FIP1L1: variants seen among roughly 807,000 people sequenced by gnomAD.
The protein encoded by FIP1L1 is pre-mRNA 3'-end-processing factor FIP1.
FIP1L1 carries 21 observed loss-of-function variants against 84.6 expected under a neutral mutation model. The ratio of observed to expected loss-of-function variants is 0.25; its 90% CI spans 0.18 to 0.36. FIP1L1 has a LOEUF of 0.36. Ranked by LOEUF, FIP1L1 falls within the 10% of genes least tolerant of loss-of-function variation. The pLI is 1.00. For missense variants in FIP1L1, 526 were observed against 751.1 expected (o/e 0.70, Z 3.50); for synonymous variants, 263 against 242.3 (o/e 1.09, Z -0.80).
intron 5 of FIP1L1, among the ~76,000 whole-genome samples, chr4:53,388,859 A>G (rs1431317282): frequency 1.3e-5 from 2 of 152,268 alleles, no homozygotes; most frequent in African/African-American, 4.8e-5. Context: ...GCAATGAATT[A>G]TTCAAATAAT....
chr4:53,417,730 T>G (rs1760216865), intron 11 of FIP1L1, among the ~76,000 whole-genome samples: 1 of 141,302 alleles, frequency 7.1e-6, no homozygotes, highest in Non-Finnish European at 1.5e-5. Flanking sequence ...CTACTTTTTC[T>G]CTTTTTAAAC....
chr4:53,411,354 G>A (rs1019873476), intron 10 of FIP1L1, among the ~76,000 whole-genome samples: 16 of 152,118 alleles, frequency 1.1e-4, no homozygotes, highest in African/African-American at 3.6e-4. Flanking sequence ...AGTTACCTAA[G>A]TTGTCAATAC....
intron 5 of FIP1L1, among the ~76,000 whole-genome samples, chr4:53,385,810 T>G (rs1740713396): frequency 6.6e-6 from 1 of 152,184 alleles, no homozygotes; most frequent in African/African-American, 2.4e-5. Context: ...GATTTATTTT[T>G]TATTCATTTT....
rs550992103 is a variant in FIP1L1, at chr4:53,377,711, G to T, written c.-128G>T. 2,959 of 803,194 alleles carry T rather than the reference G, an allele frequency of 3.7e-3. 13 individuals carry two copies. Among genetic ancestry groups the T allele is most frequent in the Non-Finnish European group, 4.2e-3 (2,259 of 537,576 alleles). 49.8% of individuals were successfully genotyped at this position (803,194 alleles called of 1,614,324 possible). A position where few individuals can be genotyped will look rare whatever the true frequency, so the allele number is the denominator to read the frequency against. ...CGCTGCCGTCGCCTTCCTGGGATTG[G>T]AGTCTCGAGCTTTCTTCGTTCGTTC... is the stretch of plus-strand genomic sequence containing the variant. On this transcript the variant is annotated 5_prime_UTR_variant, in exon 1 of 18. It introduces an in-frame stop codon into an upstream open reading frame of the 5' UTR. Coordinates refer to ENST00000337488, the MANE Select transcript of FIP1L1 (RefSeq NM_030917.4).
intron 10 of FIP1L1, among the ~76,000 whole-genome samples, chr4:53,403,258 T>G (rs1751236021): frequency 6.6e-6 from 1 of 152,190 alleles, no homozygotes. Flanking sequence ...AGAGAAACTG[T>G]ACAGTACTAC....
chr4:53,407,496 G>T (rs1472518708), intron 10 of FIP1L1, among the ~76,000 whole-genome samples: 2 of 151,998 alleles, frequency 1.3e-5, no homozygotes, highest in East Asian at 3.9e-4. Flanking sequence ...GTTGATTTGG[G>T]GTGGAGAGTT....
intron 9 of FIP1L1, 114 bp downstream of exon 9, chr4:53,391,612 C>T (rs1417038829): frequency 2.9e-6 from 2 of 696,008 alleles, no homozygotes; most frequent in Non-Finnish European, 2.5e-6. Flanking sequence ...TTTTCCAAAC[C>T]TTCAGCTTCC....
At chr4:53,389,783 G>GTTTT in intron 5 of FIP1L1, 26 bp from the exon 6 acceptor site, 1 of 1,528,070 alleles carries the variant, frequency 6.5e-7, no homozygotes, top group Non-Finnish European at 8.9e-7. Context: ...GATAATTTCT[G>GTTTT]TTTTTTTTTG....
intron 5 of FIP1L1, among the ~76,000 whole-genome samples, chr4:53,386,077 T>G (rs937114672): frequency 2.6e-5 from 4 of 151,368 alleles, no homozygotes; most frequent in African/African-American, 9.8e-5. Context: ...TTGTTACAAG[T>G]TCATTTTATA....
intron 10 of FIP1L1, among the ~76,000 whole-genome samples, chr4:53,402,045 G>A (rs905135531): frequency 3.9e-5 from 6 of 152,116 alleles, no homozygotes; most frequent in African/African-American, 1.4e-4. Flanking sequence ...TTAATAAGGA[G>A]GAATGATGAA....
intron 5 of FIP1L1, among the ~76,000 whole-genome samples, chr4:53,388,736 A>G (rs1301929797): frequency 6.6e-6 from 1 of 152,228 alleles, no homozygotes; most frequent in Non-Finnish European, 1.5e-5. Context: ...TTTAATTAGT[A>G]TATTTGATAA....
At chr4:53,391,282 C>T in intron 8 of FIP1L1, 143 bp downstream of exon 8, 1 of 1,184,766 alleles carries the variant, frequency 8.4e-7, no homozygotes, top group Admixed American at 2.3e-5. Flanking sequence ...TTGTTTTTCC[C>T]TTCCCTCCCT....
intron 11 of FIP1L1, among the ~76,000 whole-genome samples, chr4:53,415,955 ACTC>A (rs1759309152): frequency 6.6e-6 from 1 of 152,150 alleles, no homozygotes; most frequent in Non-Finnish European, 1.5e-5. Flanking sequence ...TTTTGAAAGT[ACTC>A]ATTGATTTTT....
At chr4:53,388,633 C>T (rs944204267) in intron 5 of FIP1L1, among the ~76,000 whole-genome samples, 27 of 152,348 alleles carry the variant, frequency 1.8e-4, no homozygotes, top group African/African-American at 6.5e-4. Flanking sequence ...CCGTGCCCGG[C>T]CGTCTTACTG....
chr4:53,392,362 T>C (rs1375650999), intron 9 of FIP1L1, among the ~76,000 whole-genome samples: 1 of 152,236 alleles, frequency 6.6e-6, no homozygotes, highest in Middle Eastern at 3.2e-3. Flanking sequence ...TACTGCCTTA[T>C]GCAGTGTGTG....
At chr4:53,437,154 C>G (rs1769621022) in intron 13 of FIP1L1, among the ~76,000 whole-genome samples, 1 of 151,822 alleles carries the variant, frequency 6.6e-6, no homozygotes, top group Admixed American at 6.6e-5. Flanking sequence ...TAGCGAAACC[C>G]TGTCTCCACA....
chr4:53,406,753 G>T (rs181040356), intron 10 of FIP1L1, among the ~76,000 whole-genome samples: 1 of 152,110 alleles, frequency 6.6e-6, no homozygotes, highest in Non-Finnish European at 1.5e-5. Flanking sequence ...TGTATGTGTC[G>T]AGGAATTTAT....
At chr4:53,451,084 C>T (rs563688228) in intron 15 of FIP1L1, among the ~76,000 whole-genome samples, 2 of 151,912 alleles carry the variant, frequency 1.3e-5, no homozygotes, top group African/African-American at 4.8e-5. Flanking sequence ...CCTGCCTCAG[C>T]CTTCCAAATA....
intron 13 of FIP1L1, among the ~76,000 whole-genome samples, chr4:53,435,903 G>A (rs932258274): frequency 1.3e-5 from 2 of 152,142 alleles, no homozygotes; most frequent in African/African-American, 4.8e-5. Flanking sequence ...GGTAGAAGGT[G>A]ATATTTAAAG....
Sources: gnomAD v4.1 joint callset for allele counts (sites outside exome capture counted in the v4.1 genomes callset) on GRCh38, gnomAD v4.1.1 for gene constraint, MANE v1.5 for transcripts, NCBI Gene and HGNC (gene_info 2026-07-23, HGNC 2026-07-21) for gene names.